Variants in VWA3A observed in about 807,000 individuals in gnomAD.
VWA3A encodes von Willebrand factor A domain containing 3A, also known as von Willebrand factor A domain-containing protein 3A.
VWA3A carries 134 observed loss-of-function variants against 160.4 expected under a neutral mutation model. The ratio of observed to expected loss-of-function variants is 0.84; its 90% CI spans 0.73 to 0.96. VWA3A has a LOEUF of 0.96. VWA3A is among the 40% of genes least tolerant of loss of function. The pLI is 0.00. For synonymous variants in VWA3A, 476 were observed against 543.4 expected (o/e 0.88, Z 1.72); for missense variants, 1,310 against 1,447.9 (o/e 0.90, Z 1.55).
intron 6 of VWA3A, among the ~76,000 whole-genome samples, chr16:22,106,761 G>C (rs572733987): frequency 3.8e-4 from 58 of 152,296 alleles, no homozygotes; most frequent in Middle Eastern, 3.4e-3. Context: ...GACTGCACAG[G>C]GGGTAAAAGT....
intron 1 of VWA3A, among the ~76,000 whole-genome samples, chr16:22,092,953 A>G (rs1415753968): frequency 6.6e-6 from 1 of 151,712 alleles, no homozygotes; most frequent in Non-Finnish European, 1.5e-5. Context: ...AAAGACTCCT[A>G]TTATTATTAT....
chr16:22,094,319 G>GTTT (rs553099796), intron 1 of VWA3A, among the ~76,000 whole-genome samples: 2 of 139,308 alleles, frequency 1.4e-5, no homozygotes, highest in Admixed American at 7.3e-5. Flanking sequence ...AGTAAAGCCA[G>GTTT]TTTTTTTTTT....
Position 22,144,220 on chromosome 16 carries a change from A to G in VWA3A, c.2593-27A>G, listed in dbSNP as rs565952517. 2.8e-5 allele frequency: 45 copies of G among 1,595,976 alleles called. No homozygotes were observed. The East Asian group carries it at 4.7e-4, about 17-fold the overall frequency. ...TTCAGTTGAGTCTGAATTGCCTAAG[A>G]TAATAGTTCTTTCCTTTATTCTAAA... On this transcript the variant is annotated intron_variant, in intron 25 of 33. Coordinates refer to ENST00000389398, the MANE Select transcript of VWA3A (RefSeq NM_173615.5).
Position 22,123,708 on chromosome 16 carries a change from G to C in VWA3A, c.1532+1G>C, listed in dbSNP as rs754935116. On this transcript the variant is annotated splice_donor_variant, in intron 16 of 33. Transcript: ENST00000389398. LOFTEE classifies it high-confidence loss of function. ...TCTGGGGCACAGTCTGTGAAAAAAG[G>C]TACCTTTCTTAAGCAGGGTTCTTAT... 14 of 1,613,154 alleles carry C rather than the reference G, an allele frequency of 8.7e-6. No homozygotes were observed. The South Asian group carries it at 1.4e-4, about 16-fold the overall frequency.
chr16:22,148,106 C>G, intron 27 of VWA3A, 56 bp from the exon 28 acceptor site: 1 of 1,520,092 alleles, frequency 6.6e-7, no homozygotes, highest in Non-Finnish European at 8.8e-7. Flanking sequence ...GGAAACCACC[C>G]AGGAGGAGGG....
chr16:22,155,559 T>G lies in VWA3A; in HGVS notation c.3406-8T>G. Reference sequence around the variant, plus strand: ...TCATAAACTTCACACTCATTTCCTCTTTTCAAGGATCCCACATTGCCACCA... The same window carrying G: ...TCATAAACTTCACACTCATTTCCTCGTTTCAAGGATCCCACATTGCCACCA... On this transcript the variant is annotated splice_region_variant and splice_polypyrimidine_tract_variant and intron_variant, in intron 31 of 33. Coordinates refer to ENST00000389398, the MANE Select transcript of VWA3A (RefSeq NM_173615.5). 6.2e-7 allele frequency: 1 copy of G among 1,613,566 alleles called. No individual in the cohort carries two copies. Among genetic ancestry groups the G allele is most frequent in the Non-Finnish European group, 8.5e-7 (1 of 1,179,544 alleles).
At chr16:22,109,651 T>C in intron 7 of VWA3A, 71 bp downstream of exon 7, 1 of 1,363,214 alleles carries the variant, frequency 7.3e-7, no homozygotes, top group Non-Finnish European at 1.0e-6. Flanking sequence ...CTGAGCTTGC[T>C]GACGAGCTTG....
At chr16:22,119,609 G>T (rs773190050) in intron 12 of VWA3A, among the ~76,000 whole-genome samples, 2 of 152,228 alleles carry the variant, frequency 1.3e-5, no homozygotes, top group African/African-American at 4.8e-5. Flanking sequence ...GATTGAGGCT[G>T]CAGTGAGCCA....
intron 6 of VWA3A, among the ~76,000 whole-genome samples, chr16:22,106,051 G>C (rs1039639972): frequency 6.6e-6 from 1 of 152,170 alleles, no homozygotes; most frequent in African/African-American, 2.4e-5. Context: ...AAGAAACAAA[G>C]CTGAGTAAGG....
chr16:22,099,109 A>AG (rs2045368808), intron 3 of VWA3A, among the ~76,000 whole-genome samples: 1 of 151,966 alleles, frequency 6.6e-6, no homozygotes, highest in African/African-American at 2.4e-5. Flanking sequence ...AGAAAAAAAA[A>AG]AAAGTACCAT....
At chr16:22,094,838 C>T (rs574790990) in intron 1 of VWA3A, among the ~76,000 whole-genome samples, 4 of 152,024 alleles carry the variant, frequency 2.6e-5, no homozygotes, top group East Asian at 1.9e-4. Context: ...TGGTGGTGGG[C>T]GCCTCTTAAT....
At position 22,123,119 on chromosome 16, in the gene VWA3A, C is replaced by G. The variant is rs1369695824; in HGVS notation, c.1391C>G (p.Thr464Arg). ...ATACAATTTGAATGGCACGACGGGACAGTGAAGAACATTCATGTGGACCCA... is the reference window on the plus strand; with the variant it reads ...ATACAATTTGAATGGCACGACGGGAGAGTGAAGAACATTCATGTGGACCCA... ...AMIQFEWHDG[T>R]VKNIHVDPPF... is the part of the protein sequence containing the mutation. The change falls in exon 15 of 34, where the codon ACA becomes AGA. Residue 464 changes from threonine to arginine, a missense_variant. Thr to Arg is a moderately conservative substitution (Grantham distance 71, BLOSUM62 -1). Transcript: ENST00000389398. 6.2e-7 allele frequency: 1 copy of G among 1,606,152 alleles called. No homozygotes were observed. The highest frequency in any genetic ancestry group is 1.7e-5 in the Admixed American group (1 of 58,962).
chr16:22,116,264 AAG>A (rs367735520), intron 9 of VWA3A: 17 of 413,332 alleles, frequency 4.1e-5, no homozygotes, highest in African/African-American at 3.6e-4. Context: ...AAGAGAGAGA[AAG>A]AAAAAGAAAA....
intron 21 of VWA3A, among the ~76,000 whole-genome samples, chr16:22,136,905 A>G (rs28619325): frequency 6.6e-6 from 1 of 150,942 alleles, no homozygotes; most frequent in African/African-American, 2.4e-5. Context: ...GCACACACAC[A>G]CACACACACA....
Position 22,100,193 on chromosome 16 carries a change from G to C in VWA3A, c.226-1G>C, listed in dbSNP as rs952129330. ...GTTTGACTCTGGCTTTTGTCTTGCA[G>C]AGGCTGCAGGGGAGTGAGACCCAGT... On this transcript the variant is annotated splice_acceptor_variant, in intron 3 of 33. Coordinates refer to ENST00000389398, the MANE Select transcript of VWA3A (RefSeq NM_173615.5). LOFTEE classifies it high-confidence loss of function. 6.5e-7 allele frequency: 1 copy of C among 1,540,930 alleles called. No homozygotes were observed. The highest frequency in any genetic ancestry group is 1.4e-5 in the African/African-American group (1 of 72,562).
At chr16:22,150,362 T>C (rs1053831743) in intron 29 of VWA3A, among the ~76,000 whole-genome samples, 1 of 151,816 alleles carries the variant, frequency 6.6e-6, no homozygotes, top group Non-Finnish European at 1.5e-5. Flanking sequence ...GATTGCACCA[T>C]TGCACTCCAG....
At chr16:22,133,221 A>C (rs1166388724) in intron 20 of VWA3A, 126 bp downstream of exon 20, 11 of 1,126,706 alleles carry the variant, frequency 9.8e-6, no homozygotes, top group Non-Finnish European at 1.4e-5. Context: ...TAAAATGTAA[A>C]ACTGTTCCTC....
intron 5 of VWA3A, among the ~76,000 whole-genome samples, 193 bp from the exon 6 acceptor site, chr16:22,103,282 C>T (rs985933676): frequency 2.6e-5 from 4 of 152,126 alleles, no homozygotes; most frequent in Admixed American, 6.5e-5. Flanking sequence ...GATCCTCCCA[C>T]GTCAGGCTCC....
At chr16:22,135,980 G>A (rs1187981848) in intron 21 of VWA3A, among the ~76,000 whole-genome samples, 1 of 151,936 alleles carries the variant, frequency 6.6e-6, no homozygotes, top group East Asian at 1.9e-4. Flanking sequence ...TAGTAGAGAT[G>A]GGGTTTCACC....
Sources: gnomAD v4.1 joint callset for allele counts (sites outside exome capture counted in the v4.1 genomes callset) on GRCh38, gnomAD v4.1.1 for gene constraint, MANE v1.5 for transcripts, NCBI Gene and HGNC (gene_info 2026-07-23, HGNC 2026-07-21) for gene names.